The following HNF1B variants were observed in gnomAD, a reference collection of about 807,000 sequenced individuals.
HNF1B encodes HNF1 homeobox B, also known as hepatocyte nuclear factor 1-beta.
In HNF1B, 8 loss-of-function variants were observed where a neutral mutation model predicts 61.7. The ratio of observed to expected loss-of-function variants is 0.13; its 90% CI spans 0.08 to 0.23. The LOEUF (loss-of-function observed/expected upper bound fraction) is 0.23, where lower values mean the gene tolerates loss of function less well. Ranked by LOEUF, HNF1B falls within the 10% of genes least tolerant of loss-of-function variation. HNF1B has a pLI of 1.00. For missense variants in HNF1B, 562 were observed against 714.5 expected (o/e 0.79, Z 2.43); for synonymous variants, 314 against 287.7 (o/e 1.09, Z -0.93).
At chr17:37,726,642 G>T (rs542654688) in intron 4 of HNF1B, among the ~76,000 whole-genome samples, 2 of 152,320 alleles carry the variant, frequency 1.3e-5, no homozygotes, top group Non-Finnish European at 2.9e-5. Context: ...TGTGAAGGGG[G>T]ATGAGCGAGA....
At chr17:37,723,168 T>C (rs949922822) in intron 4 of HNF1B, among the ~76,000 whole-genome samples, 8 of 146,628 alleles carry the variant, frequency 5.5e-5, no homozygotes, top group African/African-American at 1.8e-4. Context: ...TGAAACCCCG[T>C]CTCTACTAAA....
chr17:37,739,415 G>T, intron 2 of HNF1B, 25 bp downstream of exon 2: 1 of 1,609,220 alleles, frequency 6.2e-7, no homozygotes, highest in Non-Finnish European at 8.5e-7. Context: ...TCAGGTTGAG[G>T]CAGAGGCAGG....
intron 6 of HNF1B, among the ~76,000 whole-genome samples, chr17:37,701,954 C>T (rs2032585848): frequency 6.6e-6 from 1 of 152,156 alleles, no homozygotes. Context: ...AACTGTGTAT[C>T]CTGAGGCCTC....
intron 5 of HNF1B, 101 bp from the exon 6 acceptor site, chr17:37,705,150 C>G: frequency 1.6e-6 from 2 of 1,214,642 alleles, no homozygotes; most frequent in South Asian, 1.3e-5. Context: ...ATGACTAGTT[C>G]TCAAATTCAT....
chr17:37,739,705 A>G lies in HNF1B; in HGVS notation c.345-66T>C, dbSNP rs2033936158. The G allele has an allele frequency of 2.2e-6, 3 of 1,357,312 alleles. No individual in the cohort carries two copies. The African/African-American group carries it at 4.3e-5, about 20-fold the overall frequency. 84.1% of individuals were successfully genotyped at this position (1,357,312 alleles called of 1,614,324 possible). On this transcript the variant is annotated intron_variant, in intron 1 of 8. Transcript: ENST00000617811. ...ATCTGGGGAGAAACATTCTTTTTCTAGGGGGTGCTACCTATGGTCTATGCA... is the reference window on the plus strand; with the variant it reads ...ATCTGGGGAGAAACATTCTTTTTCTGGGGGGTGCTACCTATGGTCTATGCA...
At chr17:37,702,119 C>T (rs2032591697) in intron 6 of HNF1B, among the ~76,000 whole-genome samples, 1 of 151,874 alleles carries the variant, frequency 6.6e-6, no homozygotes, top group Admixed American at 6.6e-5. Flanking sequence ...TTCCTGGGGT[C>T]GATTGTGTTC....
intron 4 of HNF1B, chr17:37,720,966 T>C (rs2033294240): frequency 3.0e-6 from 3 of 985,312 alleles, no homozygotes; most frequent in East Asian, 1.1e-4. Context: ...TTAAGCACTT[T>C]TGTGCCCATC....
intron 2 of HNF1B, among the ~76,000 whole-genome samples, chr17:37,736,946 T>C (rs980449153): frequency 6.6e-6 from 1 of 152,204 alleles, no homozygotes; most frequent in Non-Finnish European, 1.5e-5. Context: ...TTCAGATTAA[T>C]TGGGGTTGGG....
intron 5 of HNF1B, among the ~76,000 whole-genome samples, chr17:37,707,693 C>A (rs1011488865): frequency 6.6e-5 from 10 of 151,972 alleles, no homozygotes; most frequent in African/African-American, 9.7e-5. Flanking sequence ...ACCGCCACAG[C>A]CTGAGCTTTT....
intron 5 of HNF1B, among the ~76,000 whole-genome samples, chr17:37,708,864 C>T (rs1390127173): frequency 1.3e-5 from 2 of 152,114 alleles, no homozygotes; most frequent in Admixed American, 6.5e-5. Context: ...CAGAATTGGC[C>T]GGGTCAGTGC....
intron 2 of HNF1B, among the ~76,000 whole-genome samples, chr17:37,736,460 C>T (rs1487330371): frequency 1.3e-5 from 2 of 152,206 alleles, no homozygotes; most frequent in Non-Finnish European, 1.5e-5. Context: ...GATGAAGAAA[C>T]TGAGGTTCAG....
intron 1 of HNF1B, among the ~76,000 whole-genome samples, chr17:37,743,641 C>A (rs549858782): frequency 6.6e-6 from 1 of 152,234 alleles, no homozygotes; most frequent in Non-Finnish European, 1.5e-5. Context: ...GAGCGACGTG[C>A]TGTCTCAGGG....
At chr17:37,710,690 G>C (rs1186960033) in intron 4 of HNF1B, 27 bp from the exon 5 acceptor site, 1 of 1,605,486 alleles carries the variant, frequency 6.2e-7, no homozygotes, top group Middle Eastern at 1.7e-4. Context: ...ACCCAGTAGG[G>C]AACATTAGTG....
rs2033757878 is a variant in HNF1B, at chr17:37,733,793, T to G, written c.573A>C (p.Gly191=). ...RQFNQTVQSS[G]NMTDKSSQDQ... ...CCTGACTGCTTTTGTCTGTCATATT[T>G]CCAGAACTCTGGACTGTCTGGTTGA... The change falls in exon 3 of 9, where the codon GGA becomes GGC. Residue 191 remains glycine (G), a synonymous_variant. Coordinates refer to ENST00000617811, the MANE Select transcript of HNF1B (RefSeq NM_000458.4). 1 of 1,614,210 alleles carries G rather than the reference T, an allele frequency of 6.2e-7. No homozygotes were observed. Among genetic ancestry groups the G allele is most frequent in the East Asian group, 2.2e-5 (1 of 44,894 alleles).
chr17:37,744,566 G>T lies in HNF1B; in HGVS notation c.319C>A (p.Arg107=). Residue 107 remains arginine (R), a synonymous_variant, in exon 1 of 9, where the codon CGG becomes AGG. Transcript: ENST00000617811. ...ALNTEEAAEQ[R]AEVDRMLSED... ...CTGAGCATCCGGTCCACCTCCGCCC[G>T]CTGCTCCGCCGCCTCCTCGGTGTTG... The T allele has an allele frequency of 6.2e-7, 1 of 1,604,910 alleles. No individual in the cohort carries two copies. Among genetic ancestry groups the T allele is most frequent in the South Asian group, 1.1e-5 (1 of 91,076 alleles).
intron 8 of HNF1B, among the ~76,000 whole-genome samples, chr17:37,696,263 G>A (rs2032381769): frequency 6.6e-6 from 1 of 151,550 alleles, no homozygotes; most frequent in South Asian, 2.1e-4. Context: ...TGGGCAACAT[G>A]GCAAAACAAA....
At chr17:37,720,333 GTAGAC>G (rs1489499590) in intron 4 of HNF1B, among the ~76,000 whole-genome samples, 1 of 152,100 alleles carries the variant, frequency 6.6e-6, no homozygotes, top group Non-Finnish European at 1.5e-5. Flanking sequence ...AATTAAATGA[GTAGAC>G]TAGTTTACTA....
intron 1 of HNF1B, among the ~76,000 whole-genome samples, chr17:37,742,285 A>T (rs919966429): frequency 6.6e-6 from 1 of 152,194 alleles, no homozygotes. Context: ...ACCTGCCTCG[A>T]GGCCGCGAGA....
chr17:37,699,242 G>C, intron 7 of HNF1B, 48 bp from the exon 8 acceptor site: 1 of 1,408,514 alleles, frequency 7.1e-7, no homozygotes, highest in Non-Finnish European at 1.0e-6. Context: ...CACAGGCAAA[G>C]ACACAGGTAC....
Sources: allele counts gnomAD v4.1 joint callset (sites outside exome capture counted in the v4.1 genomes callset), GRCh38; gene constraint gnomAD v4.1.1; transcripts MANE v1.5; gene names NCBI Gene and HGNC (gene_info 2026-07-23, HGNC 2026-07-21).